Variants in ARL6 observed in about 807,000 individuals in gnomAD.
ARL6 encodes the protein ARF like GTPase 6.
In ARL6, 18 loss-of-function variants were observed where a neutral mutation model predicts 27.1. That is an observed-to-expected ratio of 0.66 (90% CI 0.46 to 0.98). ARL6 has a LOEUF of 0.98. ARL6 is among the 50% of genes least tolerant of loss of function. ARL6 has a pLI of 0.00. For missense variants in ARL6, 187 were observed against 214.9 expected, an observed-to-expected ratio of 0.87 and a Z score of 0.81; for synonymous variants, 65 against 72.3, an observed-to-expected ratio of 0.90 and a Z score of 0.51.
At chr3:97,792,775 T>A (rs1052408409) in intron 7 of ARL6, among the ~76,000 whole-genome samples, 5 of 152,290 alleles carry the variant, frequency 3.3e-5, no homozygotes, top group Admixed American at 3.3e-4. Flanking sequence ...ACCAAGCTCA[T>A]AGGTTCTTAT....
At chr3:97,776,500 G>C (rs1021384508) in intron 2 of ARL6, among the ~76,000 whole-genome samples, 3 of 151,816 alleles carry the variant, frequency 2.0e-5, no homozygotes, top group Non-Finnish European at 4.4e-5. Context: ...TTGTTTTGTA[G>C]CTCCTCTTTT....
chr3:97,786,859 G>T (rs1378066100), intron 5 of ARL6, among the ~76,000 whole-genome samples: 2 of 152,134 alleles, frequency 1.3e-5, no homozygotes, highest in Non-Finnish European at 2.9e-5. Context: ...AAGATTCTTG[G>T]CCTTTCTATT....
Position 97,772,912 on chromosome 3 carries a change from G to T in ARL6, c.123+4682G>T, listed in dbSNP as rs564641372. ...TGGAATTACAGGTGTGAGCCACCAC[G>T]CCTGGCTGCTACTTTTTTGATGTAT... On this transcript the variant is annotated intron_variant, in intron 2 of 7. Coordinates refer to ENST00000463745, the MANE Select transcript of ARL6 (RefSeq NM_001278293.3). Among the ~76,000 whole-genome samples the T allele has an allele frequency of 2.0e-4, 31 of 152,176 alleles. 1 individual carries two copies. The South Asian group carries it at 4.8e-3, about 23-fold the overall frequency.
intron 4 of ARL6, among the ~76,000 whole-genome samples, chr3:97,781,864 G>T (rs1307502535): frequency 6.6e-6 from 1 of 151,958 alleles, no homozygotes. Context: ...GCCTTGAAAT[G>T]GTATGTGATA....
chr3:97,772,968 AC>A (rs1383603216), intron 2 of ARL6, among the ~76,000 whole-genome samples: 1 of 151,998 alleles, frequency 6.6e-6, no homozygotes, highest in Admixed American at 6.6e-5. Context: ...CTTGGTTAGT[AC>A]TGGTTTTGCA....
In ARL6 at chr3:97,791,758, G is replaced by T. The variant is rs776339002; in HGVS notation, c.480-13G>T. Reference sequence around the variant, plus strand: ...TAATGAGATGGCTATGTTTCTTATGGATTTCATTTCAGTGCTAGTGATGCC... The same window carrying T: ...TAATGAGATGGCTATGTTTCTTATGTATTTCATTTCAGTGCTAGTGATGCC... On this transcript the variant is annotated splice_polypyrimidine_tract_variant and intron_variant, in intron 6 of 7. Coordinates refer to ENST00000463745, the MANE Select transcript of ARL6 (RefSeq NM_001278293.3). The T allele has an allele frequency of 6.2e-7, 1 of 1,612,936 alleles. No homozygotes were observed. The highest frequency in any genetic ancestry group is 8.5e-7 in the Non-Finnish European group (1 of 1,179,232).
At chr3:97,794,959 A>G (rs1408858253) in intron 7 of ARL6, among the ~76,000 whole-genome samples, 1 of 152,100 alleles carries the variant, frequency 6.6e-6, no homozygotes. Flanking sequence ...GTGGTGGTGC[A>G]TGCCTGTAAT....
chr3:97,786,935 CATTCTT>C (rs1449414272), intron 5 of ARL6, among the ~76,000 whole-genome samples: 16 of 152,252 alleles, frequency 1.1e-4, no homozygotes, highest in South Asian at 4.1e-4. Context: ...TGGAAACACT[CATTCTT>C]ATACGTGGTT....
At chr3:97,776,867 C>CT (rs1301307616) in intron 2 of ARL6, among the ~76,000 whole-genome samples, 1 of 152,184 alleles carries the variant, frequency 6.6e-6, no homozygotes, top group Non-Finnish European at 1.5e-5. Flanking sequence ...CCATGTTGGC[C>CT]TGGCTGGTCT....
chr3:97,769,112 C>A (rs2036523134), intron 2 of ARL6, among the ~76,000 whole-genome samples: 1 of 152,082 alleles, frequency 6.6e-6, no homozygotes, highest in African/African-American at 2.4e-5. Flanking sequence ...TAGTGCCCAT[C>A]TCATTTTATA....
At chr3:97,777,214 A>G (rs1359273300) in intron 2 of ARL6, among the ~76,000 whole-genome samples, 1 of 152,154 alleles carries the variant, frequency 6.6e-6, no homozygotes, top group Non-Finnish European at 1.5e-5. Context: ...ATCAGACTTA[A>G]TGAAACTAAC....
chr3:97,774,365 G>A (rs1022956680), intron 2 of ARL6, among the ~76,000 whole-genome samples: 1 of 152,062 alleles, frequency 6.6e-6, no homozygotes, highest in Admixed American at 6.6e-5. Context: ...GCAGGCGGGG[G>A]TATTGAGGGT....
At position 97,791,893 on chromosome 3, in the gene ARL6, T is replaced by C. The variant is rs540063071; in HGVS notation, c.535+67T>C. 28 of 1,398,576 alleles carry C rather than the reference T, an allele frequency of 2.0e-5. No individual in the cohort carries two copies. In the African/African-American group the frequency reaches 3.3e-4, roughly 17 times the overall value. 86.6% of individuals were successfully genotyped at this position (1,398,576 alleles called of 1,614,324 possible). A position where few individuals can be genotyped will look rare whatever the true frequency, so the allele number is the denominator to read the frequency against. ...TTTTATTCATATTTTTATCTTTTTT[T>C]ACATTTTATTTTATTATATCATTGC... On this transcript the variant is annotated intron_variant, in intron 7 of 7. Coordinates refer to ENST00000463745, the MANE Select transcript of ARL6 (RefSeq NM_001278293.3).
At chr3:97,765,881 G>T (rs542933306) in intron 1 of ARL6, 16 of 152,166 alleles carry the variant, frequency 1.1e-4, no homozygotes, top group South Asian at 4.1e-4. Flanking sequence ...TATGCATGCA[G>T]AAAGTCAACT....
At chr3:97,771,728 A>G (rs969545396) in intron 2 of ARL6, among the ~76,000 whole-genome samples, 4 of 151,860 alleles carry the variant, frequency 2.6e-5, no homozygotes, top group Admixed American at 2.0e-4. Flanking sequence ...CAATTTGTTG[A>G]GAGTTTTTGT....
chr3:97,794,622 G>C (rs1220200865), intron 7 of ARL6, among the ~76,000 whole-genome samples: 2 of 152,140 alleles, frequency 1.3e-5, no homozygotes, highest in Non-Finnish European at 2.9e-5. Flanking sequence ...ATAAATAGCA[G>C]TAAATATAGG....
intron 7 of ARL6, among the ~76,000 whole-genome samples, chr3:97,794,587 A>G (rs1200027398): frequency 6.6e-6 from 1 of 152,180 alleles, no homozygotes. Flanking sequence ...AGATTTGAAA[A>G]GAGACAAAAA....
chr3:97,777,936 A>C (rs1255006720), intron 2 of ARL6, among the ~76,000 whole-genome samples: 2 of 152,238 alleles, frequency 1.3e-5, no homozygotes, highest in Non-Finnish European at 2.9e-5. Flanking sequence ...TCTGGAAATA[A>C]AAAAGAGTTT....
At position 97,798,114 on chromosome 3, in the gene ARL6, A is replaced by T. The variant is rs2038090717; in HGVS notation, c.*65A>T. 1 of 1,504,724 alleles carries T rather than the reference A, an allele frequency of 6.6e-7. No homozygotes were observed. The highest frequency in any genetic ancestry group is 9.2e-7 in the Non-Finnish European group (1 of 1,085,346). The allele number at this position is 1,504,724 out of a possible 1,614,324, so 93.2% of individuals were successfully genotyped here. A position where few individuals can be genotyped will look rare whatever the true frequency, so the allele number is the denominator to read the frequency against. ...GGAATCTATCTAAGACAAATAGAAT[A>T]CATTTTGTAAAAGATGTTTATGCAT... On this transcript the variant is annotated 3_prime_UTR_variant, in exon 8 of 8. Transcript: ENST00000463745.
Sources: gnomAD v4.1 joint callset for allele counts (sites outside exome capture counted in the v4.1 genomes callset) on GRCh38, gnomAD v4.1.1 for gene constraint, MANE v1.5 for transcripts, NCBI Gene and HGNC (gene_info 2026-07-23, HGNC 2026-07-21) for gene names.